Variants in CHD4 observed in about 807,000 individuals in gnomAD.
CHD4 encodes the protein ATP-dependent chromatin remodeler CHD4.
Under a neutral mutation model 235.5 loss-of-function variants are expected in CHD4, and 35 were observed. The observed-to-expected ratio is 0.15, with a 90% confidence interval of 0.11 to 0.20. The LOEUF is 0.20. Ranked by LOEUF, CHD4 falls within the 10% of genes least tolerant of loss-of-function variation. CHD4 has a pLI of 1.00. For missense variants in CHD4, 1,329 were observed against 2,432.3 expected (o/e 0.55, Z 9.54); for synonymous variants, 900 against 850.2 (o/e 1.06, Z -1.02).
Position 6,581,182 on chromosome 12 carries a change from G to GA in CHD4, c.4780-10dup, listed in dbSNP as rs533921472. ...GCAGGGGCCTGTGTACACTTCAAAG[G>GA]AAAAAAAAACAAAAACAAAACAGAT... On this transcript the variant is annotated splice_polypyrimidine_tract_variant and intron_variant, in intron 32 of 39. Coordinates refer to ENST00000544040, the MANE Select transcript of CHD4 (RefSeq NM_001273.5). The GA allele has an allele frequency of 1.6e-4, 253 of 1,572,910 alleles. No homozygotes were observed. The highest frequency in any genetic ancestry group is 6.6e-4 in the Admixed American group (37 of 56,360).
chr12:6,582,510 GA>G, intron 29 of CHD4, 104 bp downstream of exon 29: 1 of 1,486,156 alleles, frequency 6.7e-7, no homozygotes, highest in Non-Finnish European at 9.0e-7. Flanking sequence ...CTTCAACAGA[GA>G]AAATAGCCCA....
rs376670062 is a variant in CHD4, at chr12:6,606,268, T to A, written c.100+6A>T. ...TCCCGCCATGGGCCCTTGGGGAAGATGTTACCTGGGTGGGGTGGGGGCAGG... is the reference window on the plus strand; with the variant it reads ...TCCCGCCATGGGCCCTTGGGGAAGAAGTTACCTGGGTGGGGTGGGGGCAGG... On this transcript the variant is annotated splice_donor_region_variant and intron_variant, in intron 2 of 39. Transcript: ENST00000544040. The A allele has an allele frequency of 1.5e-5, 24 of 1,561,464 alleles. No homozygotes were observed. In the East Asian group the frequency reaches 1.8e-4, roughly 11 times the overall value.
rs1468078805 is a variant in CHD4, at chr12:6,600,633, C to A, written c.964G>T (p.Asp322Tyr). The change falls in exon 8 of 40, where the codon GAT becomes TAT. Residue 322 changes from aspartate to tyrosine, a missense_variant. Asp to Tyr is a radical substitution (Grantham distance 160). Around this residue, in one of 26 missense-constraint regions of CHD4, gnomAD observed 160 missense variants for 196.6 expected, o/e 0.81. Transcript: ENST00000544040. ...GAATAGCTATTGATACTGGCATCAT[C>A]GAAGTCAGATTCCACATCTAAGTCA... The part of the protein sequence containing the change: ...DDDLDVESDF[D>Y]DASINSYSVS... 6.2e-7 allele frequency: 1 copy of A among 1,614,024 alleles called. No homozygotes were observed. The highest frequency in any genetic ancestry group is 8.5e-7 in the Non-Finnish European group (1 of 1,179,988).
chr12:6,592,264 A>T (rs1023862730), intron 19 of CHD4, 129 bp downstream of exon 19: 53 of 1,322,176 alleles, frequency 4.0e-5, no homozygotes, highest in Non-Finnish European at 5.4e-5. Flanking sequence ...GCGCCCTAGC[A>T]TCAGGTTTCT....
At position 6,593,367 on chromosome 12, in the gene CHD4, C is replaced by T. The variant is rs1476576353; in HGVS notation, c.2514+49G>A. On this transcript the variant is annotated intron_variant, in intron 16 of 39. Transcript: ENST00000544040. This position sits in a 1 kb window ranked among gnomAD's most constrained non-coding sequence, Gnocchi z 4.9. ...CCAGATCACAAGGAGGTAAACTAAG[C>T]CAGAAGCCACAACTCTTTCTCTAGG... The T allele has an allele frequency of 1.2e-6, 2 of 1,605,436 alleles. No individual in the cohort carries two copies. The highest frequency in any genetic ancestry group is 1.3e-5 in the African/African-American group (1 of 74,892).
chr12:6,591,183 G>GC (rs1948393332), intron 22 of CHD4: 2 of 253,574 alleles, frequency 7.9e-6, no homozygotes, highest in South Asian at 2.5e-4. Flanking sequence ...AGACAAGTCT[G>GC]CTAGTAACTT....
Position 6,581,132 on chromosome 12 carries a change from G to A in CHD4, c.4821C>T (p.Val1607=), listed in dbSNP as rs749193541. 6.2e-6 allele frequency: 10 copies of A among 1,613,730 alleles called. No individual in the cohort carries two copies. Among genetic ancestry groups the A allele is most frequent in the African/African-American group, 2.7e-5 (2 of 74,784 alleles). The change falls in exon 33 of 40, where the codon GTC becomes GTT. Residue 1607 remains valine, a synonymous_variant. Coordinates refer to ENST00000544040, the MANE Select transcript of CHD4 (RefSeq NM_001273.5). ...CCTCTCCCTCAGGGGGTTCAACAAC[G>A]ACCTTTTCATCCTCTGAGGCAGGGG... ...APAPASEDEK[V]VVEPPEGEEK...
intron 14 of CHD4, 26 bp from the exon 15 acceptor site, chr12:6,594,676 G>A: frequency 1.3e-6 from 2 of 1,599,982 alleles, no homozygotes; most frequent in African/African-American, 1.3e-5. Flanking sequence ...GAGAAGTCAA[G>A]AGCTGGCAAG....
chr12:6,598,184 A>T (rs78715412), intron 11 of CHD4, 38 bp downstream of exon 11: 3 of 1,609,280 alleles, frequency 1.9e-6, no homozygotes, highest in Non-Finnish European at 2.5e-6. Context: ...TATCCTCTTC[A>T]TCGTAGCCCC....
chr12:6,573,216 C>T lies in CHD4; in HGVS notation c.5415G>A (p.Leu1805=). 6.3e-7 allele frequency: 1 copy of T among 1,598,642 alleles called. No homozygotes were observed. The highest frequency in any genetic ancestry group is 2.3e-5 in the East Asian group (1 of 44,060). The stretch of plus-strand genomic sequence containing the variant: ...GGTGAGAAGGGTCTTCTGACATGTT[C>T]AAGTAAGCAGCCCGGCGCAGCTGTT... ...IEEQLRRAAY[L]NMSEDPSHPS... Residue 1805 remains leucine (L), a synonymous_variant, in exon 38 of 40, where the codon TTG becomes TTA. Transcript: ENST00000544040.
At chr12:6,602,212 C>A (rs773696559) in intron 3 of CHD4, 37 bp from the exon 4 acceptor site, 23 of 1,609,340 alleles carry the variant, frequency 1.4e-5, no homozygotes, top group Non-Finnish European at 2.0e-5. Context: ...GAGACAGACA[C>A]ACACATGCTA....
Position 6,582,694 on chromosome 12 carries a change from A to G in CHD4, c.4291T>C (p.Tyr1431His), listed in dbSNP as rs1224621906. Residue 1431 changes from tyrosine (Y) to histidine (H), a missense_variant, in exon 29 of 40, where the codon TAT becomes CAT. This residue lies in a region of CHD4 where 48 missense variants were observed against 109.6 expected (regional missense o/e 0.44). Coordinates refer to ENST00000544040, the MANE Select transcript of CHD4 (RefSeq NM_001273.5). Reference sequence around the variant, plus strand: ...AAAGCATCCTGAGGTGGCATACCATATCGCATAATTGCATTAAGAAAGGCT... The same window carrying G: ...AAAGCATCCTGAGGTGGCATACCATGTCGCATAATTGCATTAAGAAAGGCT... ...RKAFLNAIMR[Y>H]GMPPQDAFTT... 3 of 1,614,080 alleles carry G rather than the reference A, an allele frequency of 1.9e-6. No homozygotes were observed. Among genetic ancestry groups the G allele is most frequent in the Non-Finnish European group, 2.5e-6 (3 of 1,180,048 alleles).
At chr12:6,601,909 CAAAAAGACAA>C in intron 4 of CHD4, 41 bp downstream of exon 4, 3 of 1,600,152 alleles carry the variant, frequency 1.9e-6, no homozygotes, top group Non-Finnish European at 2.6e-6. Context: ...GTCTAGGAAA[CAAAAAGACAA>C]AAGTTTAACA....
chr12:6,573,356 T>A (rs1948012660), intron 37 of CHD4, 87 bp from the exon 38 acceptor site: 1 of 1,115,188 alleles, frequency 9.0e-7, no homozygotes, highest in East Asian at 3.0e-5. Flanking sequence ...CCTCTCATTG[T>A]TTCAGATGGT....
At chr12:6,590,919 T>TC (rs142878760) in intron 22 of CHD4, among the ~76,000 whole-genome samples, 3,143 of 151,658 alleles carry the variant, frequency 0.021, 110 homozygotes, top group African/African-American at 0.072. Context: ...GGTCAGGAGA[T>TC]CGAGACCATC....
intron 12 of CHD4, 46 bp from the exon 13 acceptor site, chr12:6,596,183 C>T: frequency 6.2e-7 from 1 of 1,605,100 alleles, no homozygotes; most frequent in Non-Finnish European, 8.5e-7. Context: ...AAAGGCAACC[C>T]TCCTCACTTC....
intron 31 of CHD4, 53 bp from the exon 32 acceptor site, chr12:6,581,441 A>G (rs1472241993): frequency 1.3e-6 from 2 of 1,576,832 alleles, no homozygotes; most frequent in South Asian, 1.1e-5. Context: ...GATCAGAGAG[A>G]AGGTCATTTC....
Position 6,583,036 on chromosome 12 carries a change from G to A in CHD4, c.4138C>T (p.Arg1380Cys). 5 of 1,571,682 alleles carry A rather than the reference G, an allele frequency of 3.2e-6. No individual in the cohort carries two copies. The highest frequency in any genetic ancestry group is 4.3e-6 in the Non-Finnish European group (5 of 1,160,794). The stretch of plus-strand genomic sequence containing the variant: ...AAAGCACAGCCCTCACCTTCTGAAC[G>A]TTCATCAAAGTCTTCATCACCTTCC... ...SEEGDEDFDE[R>C]SEAPRRPSRK... is the part of the protein sequence containing the mutation. The change falls in exon 27 of 40, where the codon CGT becomes TGT. Residue 1380 changes from arginine (R) to cysteine (C), a missense_variant. By Grantham distance (180) the Arg-to-Cys change is radical. Around this residue, in one of 26 missense-constraint regions of CHD4, gnomAD observed 46 missense variants for 85.6 expected, o/e 0.54. Coordinates refer to ENST00000544040, the MANE Select transcript of CHD4 (RefSeq NM_001273.5).
At chr12:6,576,959 C>CAA in intron 37 of CHD4, among the ~76,000 whole-genome samples, 1 of 150,386 alleles carries the variant, frequency 6.6e-6, no homozygotes, top group East Asian at 1.9e-4. Flanking sequence ...TTTTTTGAGA[C>CAA]AGAGTCTCAC....
Sources: gnomAD v4.1 joint callset for allele counts (sites outside exome capture counted in the v4.1 genomes callset) on GRCh38, gnomAD v4.1.1 for gene constraint, gnomAD v4.1.1 regional missense constraint, Gnocchi (gnomAD v3.1) non-coding constraint, MANE v1.5 for transcripts, NCBI Gene and HGNC (gene_info 2026-07-23, HGNC 2026-07-21) for gene names.